Variants in AQR observed in about 807,000 individuals in gnomAD.
AQR encodes aquarius intron-binding spliceosomal factor.
A neutral mutation model predicts 180.5 loss-of-function variants in AQR; 61 were observed. That is an observed-to-expected ratio of 0.34 (90% CI 0.28 to 0.42). The LOEUF is 0.42. Ranked by LOEUF, AQR falls within the 10% of genes least tolerant of loss-of-function variation. The probability of loss-of-function intolerance (pLI) is 1.00; values close to 1 mark genes in which losing one functional copy is unlikely to be tolerated. For missense variants in AQR, 1,281 were observed against 1,798.3 expected (o/e 0.71, Z 5.20); for synonymous variants, 551 against 588.8 (o/e 0.94, Z 0.93).
chr15:34,920,391 G>A lies in AQR; in HGVS notation c.1162C>T (p.Pro388Ser). 1 of 1,613,634 alleles carries A rather than the reference G, an allele frequency of 6.2e-7. No individual in the cohort carries two copies. The highest frequency in any genetic ancestry group is 8.5e-7 in the Non-Finnish European group (1 of 1,179,828). Residue 388 changes from proline to serine, a missense_variant, in exon 14 of 35, where the codon CCA becomes TCA. Coordinates refer to ENST00000156471, the MANE Select transcript of AQR (RefSeq NM_014691.3). ...GTGTCTTCATTTTTAGGAAGAGTTG[G>A]CAACAAGCAGAGGTATGATGCCACC... is the stretch of plus-strand genomic sequence containing the variant. ...HQVASYLCLLPTLPKNEDTTF... is the reference protein window; with the variant it reads ...HQVASYLCLLSTLPKNEDTTF...
rs780745443 is a variant in AQR at position 34,874,683 on chromosome 15, C to T, written c.3419G>A (p.Arg1140Lys). 4 of 1,612,870 alleles carry T rather than the reference C, an allele frequency of 2.5e-6. No individual in the cohort carries two copies. Among genetic ancestry groups the T allele is most frequent in the South Asian group, 1.1e-5 (1 of 90,896 alleles). ...TTTTTCCTGTCTCTTTTACCTTGCTCTGGCTCTCCCTTGAGCATCAAGGTC... is the reference window on the plus strand; with the variant it reads ...TTTTTCCTGTCTCTTTTACCTTGCTTTGGCTCTCCCTTGAGCATCAAGGTC... ...TVDLDAQGRA[R>K]ASLCNLYNWR... The change falls in exon 29 of 35, where the codon AGA becomes AAA. Residue 1140 changes from arginine (R) to lysine (K), a missense_variant. Physicochemically the swap from Arg to Lys is conservative, Grantham distance 26. This residue lies in a region of AQR where 197 missense variants were observed against 320.7 expected (regional missense o/e 0.61). Transcript: ENST00000156471.
intron 20 of AQR, among the ~76,000 whole-genome samples, chr15:34,898,359 T>C (rs909585671): frequency 6.6e-6 from 1 of 152,194 alleles, no homozygotes; most frequent in African/African-American, 2.4e-5. Flanking sequence ...CAGTTGTCTT[T>C]CACATTCTAA....
At chr15:34,943,042 T>C (rs1894049815) in intron 6 of AQR, 3 of 1,596,034 alleles carry the variant, frequency 1.9e-6, no homozygotes, top group Non-Finnish European at 2.6e-6. Flanking sequence ...TTAATAAATG[T>C]TAAAGAGGCT....
chr15:34,884,672 A>G lies in AQR; in HGVS notation c.2880T>C (p.Asp960=). ...GGAAGAAAGTGGAGACTTCCGTAAC[A>G]TCTGGCAATGTACTACCTTTATTTT... ...KVKNKGSTLP[D]VTEVSTFFPF... The change falls in exon 26 of 35, where the codon GAT becomes GAC. Residue 960 remains aspartate (D), a synonymous_variant. Coordinates refer to ENST00000156471, the MANE Select transcript of AQR (RefSeq NM_014691.3). The G allele has an allele frequency of 6.2e-7, 1 of 1,612,876 alleles. No individual in the cohort carries two copies. Among genetic ancestry groups the G allele is most frequent in the Non-Finnish European group, 8.5e-7 (1 of 1,179,692 alleles).
intron 31 of AQR, chr15:34,868,471 T>C (rs1382207459): frequency 6.6e-6 from 1 of 152,212 alleles, no homozygotes; most frequent in African/African-American, 2.4e-5. Flanking sequence ...ACCCTGCAGA[T>C]ACTGTAATTT....
At chr15:34,887,207 G>A (rs1893075497) in intron 24 of AQR, among the ~76,000 whole-genome samples, 1 of 151,916 alleles carries the variant, frequency 6.6e-6, no homozygotes, top group African/African-American at 2.4e-5. Context: ...CTAGGAGGAG[G>A]GAAAGTCAAC....
intron 2 of AQR, among the ~76,000 whole-genome samples, chr15:34,962,672 G>A (rs954377348): frequency 6.6e-6 from 1 of 151,944 alleles, no homozygotes; most frequent in Non-Finnish European, 1.5e-5. Flanking sequence ...AGGAGGCTGA[G>A]GCAGAAGAAT....
intron 33 of AQR, among the ~76,000 whole-genome samples, chr15:34,861,709 G>C (rs1450708042): frequency 6.6e-6 from 1 of 152,090 alleles, no homozygotes; most frequent in Non-Finnish European, 1.5e-5. Flanking sequence ...GTCTAGACTT[G>C]AGCCTGACAC....
At chr15:34,922,787 C>T (rs1198950756) in intron 13 of AQR, among the ~76,000 whole-genome samples, 3 of 151,550 alleles carry the variant, frequency 2.0e-5, no homozygotes, top group South Asian at 2.1e-4. Flanking sequence ...GAATCACAGA[C>T]GTGAACCATT....
rs1281814032 is a variant in AQR at position 34,904,360 on chromosome 15, TCTC to T, written c.1974_1976del (p.Arg659del). ...CCTTAAAGTTATTTTCCTTTGGTTT[TCTC>T]CTCATTATTATATTAAAAGTTTCAT... On this transcript the variant is annotated inframe_deletion, in exon 19 of 35. Coordinates refer to ENST00000156471, the MANE Select transcript of AQR (RefSeq NM_014691.3). 1 of 1,595,120 alleles carries T rather than the reference TCTC, an allele frequency of 6.3e-7. No homozygotes were observed. Among genetic ancestry groups the T allele is most frequent in the Non-Finnish European group, 8.5e-7 (1 of 1,171,760 alleles).
At chr15:34,934,748 C>A in intron 9 of AQR, 113 bp from the exon 10 acceptor site, 1 of 598,614 alleles carries the variant, frequency 1.7e-6, no homozygotes. Context: ...GTCTTTTATT[C>A]ATCAGAATTG....
chr15:34,931,518 A>T (rs985974919), intron 11 of AQR, among the ~76,000 whole-genome samples: 6 of 152,126 alleles, frequency 3.9e-5, no homozygotes, highest in African/African-American at 1.4e-4. Flanking sequence ...GTTAAAAATG[A>T]TTTCTCCTGC....
At chr15:34,954,905 C>G (rs1180792104) in intron 3 of AQR, among the ~76,000 whole-genome samples, 1 of 151,624 alleles carries the variant, frequency 6.6e-6, no homozygotes, top group Non-Finnish European at 1.5e-5. Context: ...GGTGGACTGC[C>G]TGAGCTCAGG....
chr15:34,916,323 T>G (rs907149871), intron 15 of AQR, among the ~76,000 whole-genome samples: 1 of 152,156 alleles, frequency 6.6e-6, no homozygotes, highest in Non-Finnish European at 1.5e-5. Flanking sequence ...TATTCTCACT[T>G]AACACTATTT....
rs144669703 is a variant in AQR at position 34,932,910 on chromosome 15, C to T, written c.784-476G>A. Among the ~76,000 whole-genome samples, 13 of 152,062 alleles carry T rather than the reference C, an allele frequency of 8.5e-5. No homozygotes were observed. The East Asian group carries it at 1.4e-3, about 16-fold the overall frequency. On this transcript the variant is annotated intron_variant, in intron 10 of 34. Coordinates refer to ENST00000156471, the MANE Select transcript of AQR (RefSeq NM_014691.3). ...GGCAGAGGTTGTCTTGAACCAAGATCGTGCCACTGCACTCAAGCCTGGATT... is the reference window on the plus strand; with the variant it reads ...GGCAGAGGTTGTCTTGAACCAAGATTGTGCCACTGCACTCAAGCCTGGATT...
intron 3 of AQR, among the ~76,000 whole-genome samples, chr15:34,953,169 A>G (rs950583630): frequency 7.2e-5 from 11 of 152,232 alleles, no homozygotes; most frequent in Non-Finnish European, 1.6e-4. Context: ...ACACATATCT[A>G]TATTGCAAAT....
intron 31 of AQR, 84 bp downstream of exon 31, chr15:34,870,668 G>C: frequency 1.7e-6 from 2 of 1,152,382 alleles, no homozygotes; most frequent in South Asian, 2.3e-5. Flanking sequence ...AAAAGAGATA[G>C]CAAAGAGGCA....
chr15:34,921,128 T>TTTAC (rs1893677840), intron 13 of AQR, among the ~76,000 whole-genome samples: 3 of 152,058 alleles, frequency 2.0e-5, no homozygotes, highest in African/African-American at 7.2e-5. Flanking sequence ...TGCACACAAC[T>TTTAC]TTTACTTTAA....
At chr15:34,960,236 T>C (rs1328800178) in intron 3 of AQR, among the ~76,000 whole-genome samples, 1 of 152,170 alleles carries the variant, frequency 6.6e-6, no homozygotes, top group Non-Finnish European at 1.5e-5. Flanking sequence ...CAAACCCTTT[T>C]GTGTTTGAAA....
Sources: gnomAD v4.1 joint callset for allele counts (sites outside exome capture counted in the v4.1 genomes callset) on GRCh38, gnomAD v4.1.1 for gene constraint, gnomAD v4.1.1 regional missense constraint, MANE v1.5 for transcripts, NCBI Gene and HGNC (gene_info 2026-07-23, HGNC 2026-07-21) for gene names.